NEBL: variants seen among roughly 807,000 people sequenced by gnomAD.
NEBL encodes the protein LIM and SH3 protein 2.
Under a neutral mutation model 140.2 loss-of-function variants are expected in NEBL, and 122 were observed. The observed-to-expected ratio is 0.87, with a 90% CI of 0.75 to 1.01. The LOEUF is 1.01. NEBL is among the 50% of genes least tolerant of loss of function. The pLI is 0.00. For synonymous variants in NEBL, 436 were observed against 398.9 expected (o/e 1.09, Z -1.11); for missense variants, 1,365 against 1,231.3 (o/e 1.11, Z -1.62).
At chr10:20,966,786 G>A (rs751571323) in intron 3 of NEBL, among the ~76,000 whole-genome samples, 3 of 152,150 alleles carry the variant, frequency 2.0e-5, no homozygotes, top group Admixed American at 6.6e-5. Context: ...TGCAAACAGC[G>A]CAATTATTAC....
intron 2 of NEBL, among the ~76,000 whole-genome samples, chr10:21,166,961 TCTG>T (rs1193566148): frequency 6.6e-6 from 1 of 152,188 alleles, no homozygotes; most frequent in African/African-American, 2.4e-5. Context: ...TTAATTTCCT[TCTG>T]TGTCCTCTGA....
intron 3 of NEBL, among the ~76,000 whole-genome samples, chr10:21,006,257 C>A (rs905242564): frequency 6.6e-6 from 1 of 152,126 alleles, no homozygotes. Context: ...CTTGTACTTA[C>A]GCTTTCTATG....
chr10:21,239,933 A>T (rs373760594), intron 3 of NEBL, among the ~76,000 whole-genome samples: 1 of 151,746 alleles, frequency 6.6e-6, no homozygotes, highest in South Asian at 2.1e-4. Flanking sequence ...GGAGAATGGC[A>T]TGAACCCGGG....
chr10:21,126,962 G>A (rs1055771149), intron 2 of NEBL, among the ~76,000 whole-genome samples: 1 of 138,660 alleles, frequency 7.2e-6, no homozygotes, highest in Admixed American at 7.3e-5. Flanking sequence ...GTGACAGAGG[G>A]AGACCCTGTA....
intron 2 of NEBL, among the ~76,000 whole-genome samples, chr10:21,032,358 A>C (rs147865027): frequency 5.6e-4 from 85 of 152,306 alleles, no homozygotes; most frequent in Admixed American, 2.2e-3. Context: ...CCAAAGGCAT[A>C]ATTATAATGA....
intron 2 of NEBL, among the ~76,000 whole-genome samples, chr10:21,094,459 G>A (rs910324335): frequency 7.6e-6 from 1 of 131,340 alleles, no homozygotes; most frequent in South Asian, 2.4e-4. Context: ...CCGAGATTGT[G>A]CCACTGCACT....
At chr10:20,817,079 C>T (rs895437540) in intron 21 of NEBL, among the ~76,000 whole-genome samples, 1 of 152,100 alleles carries the variant, frequency 6.6e-6, no homozygotes, top group African/African-American at 2.4e-5. Flanking sequence ...GGATACACAA[C>T]AACCTGTCAA....
chr10:20,845,237 T>A, intron 12 of NEBL, 21 bp downstream of exon 12: 1 of 1,401,046 alleles, frequency 7.1e-7, no homozygotes, highest in Non-Finnish European at 1.0e-6. Flanking sequence ...TAATATTTAA[T>A]AATAAACACC....
intron 2 of NEBL, among the ~76,000 whole-genome samples, chr10:21,092,112 T>G (rs1285793997): frequency 6.6e-6 from 1 of 152,242 alleles, no homozygotes; most frequent in Non-Finnish European, 1.5e-5. Flanking sequence ...CTGTTCTCAA[T>G]TCTTCATCAA....
At chr10:21,109,970 A>G (rs1837913079) in intron 2 of NEBL, among the ~76,000 whole-genome samples, 1 of 151,970 alleles carries the variant, frequency 6.6e-6, no homozygotes, top group South Asian at 2.1e-4. Flanking sequence ...GGATTCATTG[A>G]ATTTTTGAGG....
chr10:20,917,477 TC>T (rs1833362192), intron 4 of NEBL, among the ~76,000 whole-genome samples: 1 of 152,198 alleles, frequency 6.6e-6, no homozygotes, highest in Non-Finnish European at 1.5e-5. Context: ...TTGAGACTGT[TC>T]AGGGGATGTC....
intron 3 of NEBL, among the ~76,000 whole-genome samples, chr10:21,207,099 C>T (rs913219971): frequency 2.7e-5 from 4 of 150,802 alleles, no homozygotes; most frequent in Non-Finnish European, 4.4e-5. Flanking sequence ...TCAGCCTCCT[C>T]AGTAGCTGGG....
chr10:21,040,452 G>A (rs1428890090), intron 2 of NEBL, among the ~76,000 whole-genome samples: 1 of 152,230 alleles, frequency 6.6e-6, no homozygotes, highest in Non-Finnish European at 1.5e-5. Context: ...AGTCATGGCA[G>A]AAGGTGAAGG....
rs1404738153 is a variant in NEBL at position 20,826,426 on chromosome 10, T to C, written c.1869+21A>G. 3.2e-6 allele frequency: 5 copies of C among 1,569,258 alleles called. No homozygotes were observed. The African/African-American group carries it at 6.8e-5, about 21-fold the overall frequency. ...TTTGGTTTGCTTTTAGAAAAGATAATTAATGCTGTAGAGAACTTACTGAAC... is the reference window on the plus strand; with the variant it reads ...TTTGGTTTGCTTTTAGAAAAGATAACTAATGCTGTAGAGAACTTACTGAAC... On this transcript the variant is annotated intron_variant, in intron 18 of 27. Transcript: ENST00000377122.
chr10:20,952,408 G>T (rs910699513), intron 4 of NEBL, among the ~76,000 whole-genome samples: 8 of 139,466 alleles, frequency 5.7e-5, no homozygotes, highest in Non-Finnish European at 1.2e-4. Context: ...CTGCACTCCA[G>T]CCTGGGCAAC....
At chr10:20,986,960 C>T (rs1426877249) in intron 3 of NEBL, among the ~76,000 whole-genome samples, 6 of 152,238 alleles carry the variant, frequency 3.9e-5, no homozygotes, top group Middle Eastern at 3.4e-3. Context: ...AAAATGTTAT[C>T]GACTTACTAT....
chr10:21,287,084 G>A (rs1433687292), intron 1 of NEBL, among the ~76,000 whole-genome samples: 1 of 152,138 alleles, frequency 6.6e-6, no homozygotes, highest in Non-Finnish European at 1.5e-5. Context: ...GGTTCCAGAA[G>A]CTGAAAATCC....
chr10:20,818,814 C>T (rs1419511750), intron 20 of NEBL: 1 of 988,878 alleles, frequency 1.0e-6, no homozygotes, highest in Non-Finnish European at 1.2e-6. Context: ...TCCCAAATTT[C>T]CTGGACACGC....
At chr10:21,003,199 C>A (rs986469379) in intron 3 of NEBL, among the ~76,000 whole-genome samples, 13 of 152,118 alleles carry the variant, frequency 8.5e-5, no homozygotes, top group African/African-American at 2.9e-4. Flanking sequence ...GTTTCCCTAT[C>A]CTAATTAAGG....
Sources: gnomAD v4.1 joint callset for allele counts (sites outside exome capture counted in the v4.1 genomes callset) on GRCh38, gnomAD v4.1.1 for gene constraint, MANE v1.5 for transcripts, NCBI Gene and HGNC (gene_info 2026-07-23, HGNC 2026-07-21) for gene names.